Variants in ZMAT3 observed in about 807,000 individuals in gnomAD.
ZMAT3 encodes zinc finger matrin-type 3.
In ZMAT3, 17 loss-of-function variants were observed where a neutral mutation model predicts 32.3. The observed-to-expected ratio is 0.53, with a 90% CI of 0.36 to 0.79. The LOEUF is 0.79. Among genes scored for constraint, ZMAT3 ranks in the 30% least tolerant of loss-of-function variants. ZMAT3 has a pLI of 0.00. For synonymous variants in ZMAT3, 120 were observed against 133.1 expected, an observed-to-expected ratio of 0.90 and a Z score of 0.68; for missense variants, 329 against 359.7, an observed-to-expected ratio of 0.91 and a Z score of 0.69.
chr3:179,025,481 T>C (rs1460513268), intron 5 of ZMAT3, among the ~76,000 whole-genome samples: 4 of 152,220 alleles, frequency 2.6e-5, no homozygotes, highest in Non-Finnish European at 5.9e-5. Context: ...CAAATGGCTG[T>C]GTCTCTAAAA....
At chr3:179,067,275 G>T (rs562120178) in intron 2 of ZMAT3, among the ~76,000 whole-genome samples, 1 of 152,220 alleles carries the variant, frequency 6.6e-6, no homozygotes, top group Non-Finnish European at 1.5e-5. Flanking sequence ...ACAGCTTAGT[G>T]TAACAGGTTG....
chr3:179,025,253 T>C, intron 5 of ZMAT3, 25 bp from the exon 6 acceptor site: 1 of 1,522,726 alleles, frequency 6.6e-7, no homozygotes, highest in Non-Finnish European at 9.0e-7. Context: ...AAAAATAATA[T>C]ATTCAAAATA....
chr3:179,052,218 A>G (rs143147677), intron 2 of ZMAT3, among the ~76,000 whole-genome samples: 14 of 152,284 alleles, frequency 9.2e-5, no homozygotes, highest in African/African-American at 3.1e-4. Context: ...CAACCCATAG[A>G]GTAGGAGAAA....
intron 2 of ZMAT3, among the ~76,000 whole-genome samples, chr3:179,043,079 C>T (rs1241012545): frequency 1.3e-5 from 2 of 152,146 alleles, no homozygotes; most frequent in African/African-American, 4.8e-5. Flanking sequence ...AAAGAGGACA[C>T]AAACAAATGG....
chr3:179,063,497 A>T (rs1413228534), intron 2 of ZMAT3, among the ~76,000 whole-genome samples: 1 of 152,254 alleles, frequency 6.6e-6, no homozygotes, highest in Non-Finnish European at 1.5e-5. Flanking sequence ...CATGTTTATG[A>T]CAAATTTTAT....
intron 4 of ZMAT3, 56 bp downstream of exon 4, chr3:179,027,590 T>C: frequency 6.2e-7 from 1 of 1,613,852 alleles, no homozygotes; most frequent in Non-Finnish European, 8.5e-7. Context: ...TCTTTTTCTT[T>C]AAAGACAGTC....
chr3:179,038,655 C>T (rs372002259), intron 2 of ZMAT3, among the ~76,000 whole-genome samples: 7 of 152,274 alleles, frequency 4.6e-5, no homozygotes, highest in South Asian at 2.1e-4. Context: ...ATGCAGCAGA[C>T]GGGTGATATC....
intron 5 of ZMAT3, among the ~76,000 whole-genome samples, chr3:179,026,010 A>T (rs1391127725): frequency 1.3e-5 from 2 of 152,218 alleles, no homozygotes; most frequent in African/African-American, 4.8e-5. Context: ...TTCTCAAAAT[A>T]CTGCTTTCAC....
chr3:179,030,117 A>G (rs1328857066), intron 3 of ZMAT3, among the ~76,000 whole-genome samples: 7 of 152,222 alleles, frequency 4.6e-5, no homozygotes. Context: ...TCTATCTTCC[A>G]AAGAGCAGAA....
At chr3:179,062,613 C>A (rs1470626542) in intron 2 of ZMAT3, among the ~76,000 whole-genome samples, 3 of 152,030 alleles carry the variant, frequency 2.0e-5, no homozygotes, top group Admixed American at 6.6e-5. Flanking sequence ...ACAGAGCTGG[C>A]GATTTCAGAG....
At chr3:179,030,376 A>G (rs1441467765) in intron 3 of ZMAT3, among the ~76,000 whole-genome samples, 1 of 135,438 alleles carries the variant, frequency 7.4e-6, no homozygotes, top group African/African-American at 2.8e-5. Flanking sequence ...TTTTTTTGAG[A>G]TGGAGTCTCG....
intron 2 of ZMAT3, among the ~76,000 whole-genome samples, chr3:179,035,605 C>CT (rs1273576515): frequency 3.0e-5 from 4 of 132,042 alleles, no homozygotes; most frequent in Middle Eastern, 4.3e-3. Flanking sequence ...AGTTTGTTGA[C>CT]TTGTTTTTTT....
Position 179,027,396 on chromosome 3 carries a change from C to A in ZMAT3, c.658+27G>T, listed in dbSNP as rs182905376. The A allele has an allele frequency of 3.1e-5, 49 of 1,587,074 alleles. No homozygotes were observed. The African/African-American group carries it at 5.9e-4, about 19-fold the overall frequency. ...AAGGAGACTAGGTACAGAATGTACC[C>A]AAGGTATGTGGAAACAGACAAGATA... On this transcript the variant is annotated intron_variant, in intron 5 of 5. Coordinates refer to ENST00000311417, the MANE Select transcript of ZMAT3 (RefSeq NM_022470.4).
intron 2 of ZMAT3, among the ~76,000 whole-genome samples, chr3:179,063,277 G>T (rs1330591036): frequency 6.6e-6 from 1 of 152,194 alleles, no homozygotes; most frequent in African/African-American, 2.4e-5. Context: ...CCAAACCTGG[G>T]TGATCAATAT....
At chr3:179,041,433 C>A (rs558155734) in intron 2 of ZMAT3, among the ~76,000 whole-genome samples, 1 of 152,346 alleles carries the variant, frequency 6.6e-6, no homozygotes, top group South Asian at 2.1e-4. Flanking sequence ...GAAACTCACT[C>A]AAAACTGCAC....
chr3:179,023,710 A>AT lies in ZMAT3; in HGVS notation c.*1306dup, dbSNP rs1164517696. The AT allele has an allele frequency of 1.2e-3, 31 of 25,064 alleles. 3 individuals carry two copies. The highest frequency in any genetic ancestry group is 1.7e-3 in the Non-Finnish European group (28 of 16,734). The allele number at this position is 25,064 out of a possible 1,614,324, so 1.6% of individuals were successfully genotyped here. A position where few individuals can be genotyped will look rare whatever the true frequency, so the allele number is the denominator to read the frequency against. Reference sequence around the variant, plus strand: ...GGAAAATATATCTATATATATATATATTTTTTTTTTTTTTTTTTTTTTTTT... The same window carrying AT: ...GGAAAATATATCTATATATATATATATTTTTTTTTTTTTTTTTTTTTTTTTT... On this transcript the variant is annotated 3_prime_UTR_variant, in exon 6 of 6. Coordinates refer to ENST00000311417, the MANE Select transcript of ZMAT3 (RefSeq NM_022470.4).
chr3:179,054,746 G>T (rs1394673117), intron 2 of ZMAT3, among the ~76,000 whole-genome samples: 1 of 152,062 alleles, frequency 6.6e-6, no homozygotes, highest in East Asian at 1.9e-4. Context: ...TGCCGCCATC[G>T]CAGACCCGCC....
intron 1 of ZMAT3, among the ~76,000 whole-genome samples, chr3:179,069,076 T>C (rs550851592): frequency 7.4e-6 from 1 of 135,158 alleles, no homozygotes; most frequent in East Asian, 2.0e-4. Flanking sequence ...AGCCTTAGAT[T>C]ATATTCATCA....
At chr3:179,050,497 G>T (rs1187485197) in intron 2 of ZMAT3, among the ~76,000 whole-genome samples, 6 of 151,442 alleles carry the variant, frequency 4.0e-5, no homozygotes, top group Admixed American at 3.9e-4. Flanking sequence ...AAAAAAAAAA[G>T]TCCAAGACCA....
Sources: gnomAD v4.1 joint callset for allele counts (sites outside exome capture counted in the v4.1 genomes callset) on GRCh38, gnomAD v4.1.1 for gene constraint, MANE v1.5 for transcripts, NCBI Gene and HGNC (gene_info 2026-07-23, HGNC 2026-07-21) for gene names.